GCFC2: variants seen among roughly 807,000 people sequenced by gnomAD.
GCFC2 encodes the protein GC-rich sequence DNA-binding factor 2, also known as intron Large complex component GCFC2.
A neutral mutation model predicts 99.4 loss-of-function variants in GCFC2; 102 were observed. The ratio of observed to expected loss-of-function variants is 1.03; its 90% CI spans 0.87 to 1.21. The LOEUF is 1.21. Ranked by LOEUF, GCFC2 falls within the 50% of genes most tolerant of loss-of-function variation. GCFC2 has a pLI of 0.00. For missense variants in GCFC2, 973 were observed against 920.9 expected (o/e 1.06, Z -0.73); for synonymous variants, 338 against 316.8 (o/e 1.07, Z -0.71).
Position 75,710,776 on chromosome 2 carries a change from G to C in GCFC2, c.80C>G (p.Ala27Gly). ...AAGTTCCCTCGGCGCCCCAGGCTCA[G>C]CAGGCGACTCCTCGGCGCCATCGCT... ...SDSDGAEESP[A>G]EPGAPRELPV... The change falls in exon 1 of 17, where the codon GCT becomes GGT. Residue 27 changes from alanine (A) to glycine (G), a missense_variant. By Grantham distance (60) the Ala-to-Gly change is moderately conservative. Transcript: ENST00000321027. 6.4e-7 allele frequency: 1 copy of C among 1,574,206 alleles called. No individual in the cohort carries two copies. Among genetic ancestry groups the C allele is most frequent in the East Asian group, 2.4e-5 (1 of 41,896 alleles).
chr2:75,664,908 TA>T lies in GCFC2; in HGVS notation c.2229-126del, dbSNP rs1678767123. ...CTTTACCTTAAGCCAATATCTAAAGTAGCATAAAACACAGAGAGATGCTGCC... is the reference window on the plus strand; with the variant it reads ...CTTTACCTTAAGCCAATATCTAAAGTGCATAAAACACAGAGAGATGCTGCC... On this transcript the variant is annotated intron_variant, in intron 16 of 16. Coordinates refer to ENST00000321027, the MANE Select transcript of GCFC2 (RefSeq NM_003203.5). 8 of 620,998 alleles carry T rather than the reference TA, an allele frequency of 1.3e-5. No homozygotes were observed. The South Asian group carries it at 1.4e-4, about 11-fold the overall frequency. The allele number at this position is 620,998 out of a possible 1,614,324, so 38.5% of individuals were successfully genotyped here.
intron 12 of GCFC2, chr2:75,679,951 G>T: frequency 2.2e-6 from 1 of 464,860 alleles, no homozygotes; most frequent in South Asian, 5.7e-5. Context: ...GAAGTATCAA[G>T]GTATATTCTT....
chr2:75,696,512 A>G (rs1398176444), intron 4 of GCFC2, among the ~76,000 whole-genome samples, 197 bp from the exon 5 acceptor site: 1 of 152,224 alleles, frequency 6.6e-6, no homozygotes, highest in Non-Finnish European at 1.5e-5. Context: ...ATATTTAAGA[A>G]GCAAATTCTA....
intron 1 of GCFC2, among the ~76,000 whole-genome samples, chr2:75,707,997 A>C (rs978419042): frequency 2.0e-5 from 3 of 152,244 alleles, no homozygotes; most frequent in African/African-American, 7.2e-5. Context: ...AAGTATTCAT[A>C]AGGCACTTTT....
At chr2:75,692,321 T>TA (rs1680118689) in intron 6 of GCFC2, among the ~76,000 whole-genome samples, 1 of 152,046 alleles carries the variant, frequency 6.6e-6, no homozygotes, top group South Asian at 2.1e-4. Context: ...AAAATTGACT[T>TA]AGTCTACTGG....
intron 6 of GCFC2, among the ~76,000 whole-genome samples, chr2:75,693,150 T>A (rs565465027): frequency 6.6e-6 from 1 of 152,172 alleles, no homozygotes; most frequent in South Asian, 2.1e-4. Context: ...AAACAAAAAA[T>A]AATGTGGGCT....
chr2:75,705,934 G>A (rs1680842959), intron 2 of GCFC2, among the ~76,000 whole-genome samples: 1 of 152,226 alleles, frequency 6.6e-6, no homozygotes, highest in African/African-American at 2.4e-5. Flanking sequence ...CTGAAAGACT[G>A]TGATTGTGTT....
chr2:75,689,042 T>C lies in GCFC2; in HGVS notation c.1523A>G (p.Asp508Gly). ...LNPLIRVQLI[D>G]WNPLKLESTG... ...CATAAATACCTTAAGAGGATTCCAA[T>C]CAATCAACTGAACTCGTATTAGGGG... Residue 508 changes from aspartate to glycine, a missense_variant, in exon 10 of 17, where the codon GAT becomes GGT. By Grantham distance (94) the Asp-to-Gly change is moderately conservative. Coordinates refer to ENST00000321027, the MANE Select transcript of GCFC2 (RefSeq NM_003203.5). The C allele has an allele frequency of 1.3e-6, 2 of 1,554,702 alleles. No individual in the cohort carries two copies. The highest frequency in any genetic ancestry group is 1.8e-6 in the Non-Finnish European group (2 of 1,133,934).
intron 12 of GCFC2, among the ~76,000 whole-genome samples, chr2:75,674,531 C>T (rs1023131876): frequency 6.6e-6 from 1 of 151,730 alleles, no homozygotes; most frequent in Non-Finnish European, 1.5e-5. Context: ...AAATATCCTA[C>T]GATGGTATTA....
intron 1 of GCFC2, among the ~76,000 whole-genome samples, chr2:75,707,083 G>A (rs1010705926): frequency 6.6e-6 from 1 of 152,124 alleles, no homozygotes; most frequent in Non-Finnish European, 1.5e-5. Context: ...AATTTCTGAT[G>A]AGTTCACTAA....
intron 1 of GCFC2, among the ~76,000 whole-genome samples, chr2:75,706,932 C>CA (rs1461567139): frequency 1.3e-5 from 2 of 151,598 alleles, no homozygotes; most frequent in East Asian, 1.9e-4. Context: ...AAAAAAGCGA[C>CA]AAAAAATGAA....
rs753947596 is a variant in GCFC2, at chr2:75,689,108, T to A, written c.1457A>T (p.Tyr486Phe). The part of the protein sequence containing the change: ...QWREKFPDSY[Y>F]EAFISLCIPK... ...TATGCATAAACTAATGAAAGCTTCATAATAGGAGTCAGGAAACTTTTCTCG... is the reference window on the plus strand; with the variant it reads ...TATGCATAAACTAATGAAAGCTTCAAAATAGGAGTCAGGAAACTTTTCTCG... The change falls in exon 10 of 17, where the codon TAT (tyrosine) becomes TTT (phenylalanine). Residue 486 changes from tyrosine to phenylalanine, a missense_variant. By Grantham distance (22) the Tyr-to-Phe change is conservative. Transcript: ENST00000321027. The A allele has an allele frequency of 3.8e-5, 61 of 1,597,160 alleles. No individual in the cohort carries two copies. The highest frequency in any genetic ancestry group is 5.1e-5 in the Non-Finnish European group (60 of 1,165,936).
chr2:75,699,540 GCTCA>G (rs772381534), intron 4 of GCFC2, among the ~76,000 whole-genome samples: 1 of 152,066 alleles, frequency 6.6e-6, no homozygotes, highest in Non-Finnish European at 1.5e-5. Flanking sequence ...ATGTTTCAAA[GCTCA>G]CTACTTGTTT....
At chr2:75,696,071 C>G in intron 5 of GCFC2, 129 bp downstream of exon 5, 1 of 497,194 alleles carries the variant, frequency 2.0e-6, no homozygotes, top group Non-Finnish European at 3.7e-6. Flanking sequence ...TATGATAACA[C>G]AGGAGATCCT....
intron 3 of GCFC2, chr2:75,701,776 C>A: frequency 1.4e-6 from 1 of 731,334 alleles, no homozygotes; most frequent in Non-Finnish European, 1.7e-6. Flanking sequence ...AATATGAAAA[C>A]AGTCCTTTAA....
intron 11 of GCFC2, among the ~76,000 whole-genome samples, chr2:75,683,111 T>A (rs1024597705): frequency 4.0e-5 from 6 of 151,612 alleles, no homozygotes; most frequent in African/African-American, 7.3e-5. Flanking sequence ...AAGATACTCC[T>A]CGAGAAGAGC....
upstream of GCFC2, among the ~76,000 whole-genome samples, chr2:75,712,376 A>C (rs1243145820): frequency 6.6e-6 from 1 of 152,182 alleles, no homozygotes; most frequent in Non-Finnish European, 1.5e-5. Context: ...GAGGCCTTGG[A>C]GAACCTGTGT....
At chr2:75,708,604 C>T (rs6757040) in intron 1 of GCFC2, among the ~76,000 whole-genome samples, 7,662 of 150,070 alleles carry the variant, frequency 0.051, 381 homozygotes, top group East Asian at 0.15. Flanking sequence ...CTCTGCCTCC[C>T]GGGTTCAAGT....
chr2:75,680,839 A>G (rs1276959743), intron 11 of GCFC2, among the ~76,000 whole-genome samples: 1 of 152,212 alleles, frequency 6.6e-6, no homozygotes, highest in South Asian at 2.1e-4. Context: ...AAGCAATCAG[A>G]AAAGCAGCAC....
Sources: allele counts gnomAD v4.1 joint callset (sites outside exome capture counted in the v4.1 genomes callset), GRCh38; gene constraint gnomAD v4.1.1; transcripts MANE v1.5; gene names NCBI Gene and HGNC (gene_info 2026-07-23, HGNC 2026-07-21).